LRRTM3: variants seen among roughly 807,000 people sequenced by gnomAD.
The protein encoded by LRRTM3 is leucine rich repeat transmembrane neuronal 3, also known as leucine-rich repeat transmembrane neuronal protein 3.
Under a neutral mutation model 44.7 loss-of-function variants are expected in LRRTM3, and 24 were observed. The observed-to-expected ratio is 0.54, with a 90% CI of 0.39 to 0.76. LRRTM3 has a LOEUF of 0.76. LRRTM3 is among the 30% of genes least tolerant of loss of function. LRRTM3 has a pLI of 0.00. For missense variants in LRRTM3, 587 were observed against 702.2 expected (o/e 0.84, Z 1.85); for synonymous variants, 277 against 278.7 (o/e 0.99, Z 0.06).
chr10:67,093,293 T>C (rs2131917603), intron 2 of LRRTM3, among the ~76,000 whole-genome samples: 1 of 152,094 alleles, frequency 6.6e-6, no homozygotes, highest in South Asian at 2.1e-4. Flanking sequence ...CTGTTTATTT[T>C]ATGAAATAAT....
At chr10:67,046,325 A>C (rs1255513837) in intron 2 of LRRTM3, among the ~76,000 whole-genome samples, 1 of 152,210 alleles carries the variant, frequency 6.6e-6, no homozygotes, top group Admixed American at 6.5e-5. Context: ...CAAATATGCC[A>C]GGTTTCAAGT....
At chr10:66,926,675 T>C (rs1847093045) in intron 1 of LRRTM3, 88 bp downstream of exon 1, 2 of 1,442,824 alleles carry the variant, frequency 1.4e-6, no homozygotes, top group Non-Finnish European at 1.9e-6. Flanking sequence ...TTAATTATTT[T>C]AGAGATTACC....
At chr10:66,967,343 T>TATAG (rs72083996) in intron 2 of LRRTM3, among the ~76,000 whole-genome samples, 23 of 150,838 alleles carry the variant, frequency 1.5e-4, no homozygotes, top group East Asian at 5.8e-4. Context: ...CATATATATA[T>TATAG]ATAGATAGAT....
At chr10:66,950,730 A>G (rs967565907) in intron 2 of LRRTM3, among the ~76,000 whole-genome samples, 2 of 152,210 alleles carry the variant, frequency 1.3e-5, no homozygotes, top group African/African-American at 2.4e-5. Flanking sequence ...AGCTACATGC[A>G]AAACATTTAT....
rs1178659681 is a variant in LRRTM3 at position 67,034,577 on chromosome 10, C to T, written c.1537-63010C>T. On this transcript the variant is annotated intron_variant, in intron 2 of 2. Transcript: ENST00000361320. ...ATTTATATTATCCTTTCCACTCCTT[C>T]AATGCCATCATCCAAATTCAGGTCT... Among the ~76,000 whole-genome samples the T allele has an allele frequency of 3.9e-5, 6 of 152,188 alleles. No homozygotes were observed. The South Asian group carries it at 8.3e-4, about 21-fold the overall frequency.
At chr10:67,029,495 CT>C (rs1853590955) in intron 2 of LRRTM3, among the ~76,000 whole-genome samples, 1 of 152,266 alleles carries the variant, frequency 6.6e-6, no homozygotes, top group Admixed American at 6.5e-5. Context: ...GGGTACTCAT[CT>C]ACTTGAGTCA....
intron 2 of LRRTM3, among the ~76,000 whole-genome samples, chr10:66,974,711 G>A (rs1325726989): frequency 6.6e-6 from 1 of 151,888 alleles, no homozygotes; most frequent in Non-Finnish European, 1.5e-5. Context: ...TCATTTTAAT[G>A]AGCAGGAAGT....
chr10:67,033,094 C>T (rs943433782), intron 2 of LRRTM3, among the ~76,000 whole-genome samples: 1 of 152,106 alleles, frequency 6.6e-6, no homozygotes, highest in Non-Finnish European at 1.5e-5. Flanking sequence ...ACTCGAAATT[C>T]TTAAAAGAAC....
intron 2 of LRRTM3, among the ~76,000 whole-genome samples, chr10:67,087,741 A>T (rs1051171255): frequency 2.0e-5 from 3 of 151,966 alleles, no homozygotes; most frequent in African/African-American, 7.2e-5. Flanking sequence ...ATTTTAATAG[A>T]TTATCTCAGT....
intron 2 of LRRTM3, among the ~76,000 whole-genome samples, chr10:67,011,088 G>A (rs1028057271): frequency 6.6e-6 from 1 of 152,080 alleles, no homozygotes; most frequent in Non-Finnish European, 1.5e-5. Flanking sequence ...CCAGCACTTT[G>A]GGAGGCCAAG....
chr10:67,083,078 G>A (rs1285530654), intron 2 of LRRTM3, among the ~76,000 whole-genome samples: 3 of 152,022 alleles, frequency 2.0e-5, no homozygotes, highest in Non-Finnish European at 2.9e-5. Flanking sequence ...GTGTGATCAG[G>A]GGACCAGTGA....
In LRRTM3 at chr10:67,098,015, TAAAC is replaced by T. The variant is rs558469332; in HGVS notation, c.*221_*224del. 1.6e-3 allele frequency: 878 copies of T among 563,222 alleles called. 2 individuals are homozygous for T. The highest frequency in any genetic ancestry group is 0.015 in the African/African-American group (786 of 53,002). The allele number at this position is 563,222 out of a possible 1,614,324, so 34.9% of individuals were successfully genotyped here. The stretch of plus-strand genomic sequence containing the variant: ...CTAAGTTGTGCAGTATTTTTTGACT[TAAAC>T]AGAGTATGACCCTGAAAAATAAAAG... On this transcript the variant is annotated 3_prime_UTR_variant, in exon 3 of 3. Coordinates refer to ENST00000361320, the MANE Select transcript of LRRTM3 (RefSeq NM_178011.5).
rs750771729 is a variant in LRRTM3 at position 66,927,771 on chromosome 10, G to A, written c.855G>A (p.Leu285=). 6.8e-6 allele frequency: 11 copies of A among 1,614,092 alleles called. No individual in the cohort carries two copies. The Middle Eastern group carries it at 9.9e-4, about 145-fold the overall frequency. ...TCCCGAATCTGCAGCGCCTCAACCT[G>A]GATTCCAACAAGCTCACATTTATTG... is the stretch of plus-strand genomic sequence containing the variant. ...QCVPNLQRLN[L]DSNKLTFIGQ... The change falls in exon 2 of 3, where the codon CTG becomes CTA. Residue 285 remains leucine (L), a synonymous_variant. Transcript: ENST00000361320. This position sits in a 1 kb window ranked among gnomAD's most constrained non-coding sequence, Gnocchi z 4.7.
chr10:67,040,097 C>T (rs1408413876), intron 2 of LRRTM3, among the ~76,000 whole-genome samples: 1 of 152,106 alleles, frequency 6.6e-6, no homozygotes, highest in Non-Finnish European at 1.5e-5. Flanking sequence ...AGCAATCATT[C>T]TAGCAGTATT....
chr10:67,083,669 T>A (rs1857160435), intron 2 of LRRTM3, among the ~76,000 whole-genome samples: 1 of 152,172 alleles, frequency 6.6e-6, no homozygotes, highest in Non-Finnish European at 1.5e-5. Context: ...ACCATGTGGC[T>A]TTCCCTCTAC....
At chr10:66,971,321 G>A (rs1050845741) in intron 2 of LRRTM3, among the ~76,000 whole-genome samples, 3 of 152,112 alleles carry the variant, frequency 2.0e-5, no homozygotes, top group South Asian at 2.1e-4. Context: ...AGCTACTCAG[G>A]AGGCTGAGGC....
At chr10:66,949,339 C>G (rs1253390738) in intron 2 of LRRTM3, among the ~76,000 whole-genome samples, 2 of 152,146 alleles carry the variant, frequency 1.3e-5, no homozygotes, top group East Asian at 3.9e-4. Flanking sequence ...GGTGGATCAC[C>G]TGAGGTCGGG....
At chr10:67,019,110 T>C (rs1852832849) in intron 2 of LRRTM3, among the ~76,000 whole-genome samples, 1 of 152,238 alleles carries the variant, frequency 6.6e-6, no homozygotes, top group Non-Finnish European at 1.5e-5. Flanking sequence ...CAAGTTCAAA[T>C]ATGGTAGGAT....
chr10:67,074,099 C>T (rs550420548), intron 2 of LRRTM3, among the ~76,000 whole-genome samples: 1 of 142,316 alleles, frequency 7.0e-6, no homozygotes, highest in East Asian at 2.1e-4. Context: ...GCAGTGGCGC[C>T]ATCTTGGCTC....
Sources: allele counts gnomAD v4.1 joint callset (sites outside exome capture counted in the v4.1 genomes callset), GRCh38; gene constraint gnomAD v4.1.1; non-coding constraint Gnocchi (gnomAD v3.1); transcripts MANE v1.5; gene names NCBI Gene and HGNC (gene_info 2026-07-23, HGNC 2026-07-21).